Variants in TTLL9 observed in about 807,000 individuals in gnomAD.
TTLL9 encodes the protein tubulin tyrosine ligase like 9.
TTLL9 carries 47 observed loss-of-function variants against 65.6 expected under a neutral mutation model. That is an observed-to-expected ratio of 0.72 (90% confidence interval 0.57 to 0.91). The LOEUF is 0.91. TTLL9 is among the 40% of genes least tolerant of loss of function. TTLL9 has a pLI of 0.00. For synonymous variants in TTLL9, 179 were observed against 204.8 expected (o/e 0.87, Z 1.07); for missense variants, 537 against 568.8 (o/e 0.94, Z 0.57).
chr20:31,899,926 A>G (rs1026142691), intron 4 of TTLL9, among the ~76,000 whole-genome samples: 1 of 151,948 alleles, frequency 6.6e-6, no homozygotes, highest in African/African-American at 2.4e-5. Context: ...ACGACCAGCT[A>G]ATTTTTTGTA....
chr20:31,924,176 C>T (rs2063856651), intron 8 of TTLL9, among the ~76,000 whole-genome samples: 1 of 152,142 alleles, frequency 6.6e-6, no homozygotes, highest in Admixed American at 6.5e-5. Flanking sequence ...CCACCATCCT[C>T]TTCCTCCTAG....
chr20:31,942,201 T>G (rs1203558149), intron 14 of TTLL9, among the ~76,000 whole-genome samples: 1 of 152,142 alleles, frequency 6.6e-6, no homozygotes, highest in East Asian at 1.9e-4. Context: ...GATTCAGTCA[T>G]TCAAGCAGCA....
At chr20:31,925,916 G>A (rs1328586476) in intron 9 of TTLL9, 133 bp from the exon 10 acceptor site, 6 of 1,553,118 alleles carry the variant, frequency 3.9e-6, no homozygotes, top group Admixed American at 2.0e-5. Context: ...GGCTTTGCCC[G>A]ATTCTCCAAC....
intron 3 of TTLL9, among the ~76,000 whole-genome samples, chr20:31,890,146 C>CTTTCTTTCTTTCTTTCTTTCT (rs1568753458): frequency 2.1e-4 from 4 of 18,946 alleles, no homozygotes; most frequent in East Asian, 5.9e-4. Flanking sequence ...TCCTTCCTTC[C>CTTTCTTTCTTTCTTTCTTTCT]TTCCTTCCTT....
chr20:31,909,587 A>T, intron 5 of TTLL9, 150 bp from the exon 6 acceptor site: 1 of 662,948 alleles, frequency 1.5e-6, no homozygotes, highest in Non-Finnish European at 2.6e-6. Flanking sequence ...CTTGACTAGC[A>T]AGCTCTTTCT....
intron 3 of TTLL9, among the ~76,000 whole-genome samples, 195 bp downstream of exon 3, chr20:31,887,434 T>C (rs1339292947): frequency 2.0e-5 from 3 of 152,246 alleles, no homozygotes; most frequent in Non-Finnish European, 4.4e-5. Context: ...TATTAGCTCA[T>C]TGAATCCTGA....
chr20:31,923,831 C>A (rs529898834), intron 8 of TTLL9, among the ~76,000 whole-genome samples: 14 of 152,206 alleles, frequency 9.2e-5, no homozygotes, highest in Non-Finnish European at 1.9e-4. Flanking sequence ...CTCTCTCCCC[C>A]ACAGTGACCC....
intron 10 of TTLL9, among the ~76,000 whole-genome samples, chr20:31,927,355 C>T (rs2063922784): frequency 6.6e-6 from 1 of 151,662 alleles, no homozygotes; most frequent in African/African-American, 2.4e-5. Context: ...GTGGCATCTG[C>T]CTGTAATCCT....
intron 3 of TTLL9, 60 bp from the exon 4 acceptor site, chr20:31,898,413 C>G (rs1315351460): frequency 2.0e-6 from 3 of 1,487,198 alleles, no homozygotes; most frequent in Non-Finnish European, 2.8e-6. Context: ...TTTTCCTCTC[C>G]TTGCGCCATC....
Position 31,919,932 on chromosome 20 carries a change from G to C in TTLL9, c.573G>C (p.Lys191Asn). Reference sequence around the variant, plus strand: ...TGAAGGACATCGTGGACTGGAGGAAGGTGAGCCTGCCTCTTCCCCCTTCCT... The same window carrying C: ...TGAAGGACATCGTGGACTGGAGGAACGTGAGCCTGCCTCTTCCCCCTTCCT... ...RRLKDIVDWR[K>N]DTRSSDDQKD... The change falls in exon 7 of 15, where the codon AAG becomes AAC. Residue 191 changes from lysine (K) to asparagine (N), a missense_variant and splice_region_variant. Coordinates refer to ENST00000535842, the MANE Select transcript of TTLL9 (RefSeq NM_001008409.5). 1 of 1,584,068 alleles carries C rather than the reference G, an allele frequency of 6.3e-7. No individual in the cohort carries two copies.
intron 6 of TTLL9, among the ~76,000 whole-genome samples, chr20:31,912,300 G>A (rs1453825180): frequency 6.6e-6 from 1 of 152,152 alleles, no homozygotes; most frequent in African/African-American, 2.4e-5. Flanking sequence ...GCAATGCAGA[G>A]CCTGATTCAC....
intron 2 of TTLL9, among the ~76,000 whole-genome samples, chr20:31,872,005 T>G (rs1568718463): frequency 6.6e-6 from 1 of 152,212 alleles, no homozygotes; most frequent in South Asian, 2.1e-4. Context: ...CAAAATCTGG[T>G]GTCTTTTACA....
rs1045675421 is a variant in TTLL9, at chr20:31,943,652, A to T, written c.*631A>T. The T allele has an allele frequency of 9.0e-6, 4 of 444,596 alleles. No homozygotes were observed. The East Asian group carries it at 2.8e-4, about 31-fold the overall frequency. The allele number at this position is 444,596 out of a possible 1,614,324, so 27.5% of individuals were successfully genotyped here. A position where few individuals can be genotyped will look rare whatever the true frequency, so the allele number is the denominator to read the frequency against. On this transcript the variant is annotated 3_prime_UTR_variant, in exon 15 of 15. Transcript: ENST00000535842. ...ACCATCATCTGAAAACCAGTGGGACAGGGCATCCCCATTTCTCAGATGGAC... is the reference window on the plus strand; with the variant it reads ...ACCATCATCTGAAAACCAGTGGGACTGGGCATCCCCATTTCTCAGATGGAC...
chr20:31,872,008 C>A (rs2062941577), intron 2 of TTLL9, among the ~76,000 whole-genome samples: 2 of 152,066 alleles, frequency 1.3e-5, no homozygotes, highest in Non-Finnish European at 2.9e-5. Context: ...AATCTGGTGT[C>A]TTTTACATTT....
intron 6 of TTLL9, among the ~76,000 whole-genome samples, chr20:31,911,291 C>T (rs186078867): frequency 1.3e-4 from 20 of 152,322 alleles, no homozygotes; most frequent in South Asian, 2.1e-4. Context: ...CCACATGCCA[C>T]CGTAGCCTTG....
chr20:31,890,142 C>CTTTCTTTCTTTCTTTTCT (rs1568753417), intron 3 of TTLL9, among the ~76,000 whole-genome samples: 2 of 25,138 alleles, frequency 8.0e-5, no homozygotes, highest in African/African-American at 5.3e-4. Flanking sequence ...TCCTTCCTTC[C>CTTTCTTTCTTTCTTTTCT]TTCCTTCCTT....
chr20:31,925,197 A>T, intron 9 of TTLL9, 148 bp downstream of exon 9: 5 of 780,892 alleles, frequency 6.4e-6, no homozygotes, highest in Non-Finnish European at 8.1e-6. Context: ...ATCTAGGGAT[A>T]GGGTGGGGGC....
In TTLL9 at chr20:31,939,123, G is replaced by A; in HGVS notation, c.1119-19G>A. ...CCAGGTGCACCTTCATTAACCCTGT[G>A]GGCCTCCTTCCTGTCCAGGCTCACG... is the stretch of plus-strand genomic sequence containing the variant. On this transcript the variant is annotated intron_variant, in intron 13 of 14. Transcript: ENST00000535842. 3 of 1,558,482 alleles carry A rather than the reference G, an allele frequency of 1.9e-6. No individual in the cohort carries two copies. Among genetic ancestry groups the A allele is most frequent in the Non-Finnish European group, 2.6e-6 (3 of 1,152,766 alleles).
At position 31,934,800 on chromosome 20, in the gene TTLL9, C is replaced by A; in HGVS notation, c.916C>A (p.Leu306Met). The A allele has an allele frequency of 6.2e-7, 1 of 1,614,000 alleles. No homozygotes were observed. Among genetic ancestry groups the A allele is most frequent in the Non-Finnish European group, 8.5e-7 (1 of 1,180,030 alleles). The change falls in exon 12 of 15, where the codon CTG becomes ATG. Residue 306 changes from leucine to methionine, a missense_variant. Coordinates refer to ENST00000535842, the MANE Select transcript of TTLL9 (RefSeq NM_001008409.5). ...CATCGACAACATCTTTGTCAAAAGC[C>A]TGCAGAGTGTGCAGAAGGTGATCAT... Reference protein sequence around the residue: ...RDIDNIFVKSLQSVQKVIISD... With the variant: ...RDIDNIFVKSMQSVQKVIISD...
Sources: gnomAD v4.1 joint callset for allele counts (sites outside exome capture counted in the v4.1 genomes callset) on GRCh38, gnomAD v4.1.1 for gene constraint, MANE v1.5 for transcripts, NCBI Gene and HGNC (gene_info 2026-07-23, HGNC 2026-07-21) for gene names.